Variants in RNF152 observed in about 807,000 individuals in gnomAD.
RNF152 encodes E3 ubiquitin-protein ligase RNF152.
In RNF152, 11 loss-of-function variants were observed where a neutral mutation model predicts 12.7. The ratio of observed to expected loss-of-function variants is 0.86; its 90% confidence interval spans 0.54 to 1.43. The LOEUF (loss-of-function observed/expected upper bound fraction) is 1.43, where lower values mean the gene tolerates loss of function less well. Among genes scored for constraint, RNF152 ranks in the 40% most tolerant of loss-of-function variants. The pLI is 0.00. For synonymous variants in RNF152, 113 were observed against 120.3 expected, an observed-to-expected ratio of 0.94 and a Z score of 0.40; for missense variants, 255 against 274.8, an observed-to-expected ratio of 0.93 and a Z score of 0.51.
At chr18:61,865,422 CT>C (rs1911682394) in intron 1 of RNF152, among the ~76,000 whole-genome samples, 2 of 152,138 alleles carry the variant, frequency 1.3e-5, no homozygotes, top group South Asian at 4.1e-4. Context: ...AAGGAGATTG[CT>C]TCCAGGATAA....
intron 1 of RNF152, among the ~76,000 whole-genome samples, chr18:61,890,863 G>C (rs1254886728): frequency 6.6e-6 from 1 of 152,184 alleles, no homozygotes; most frequent in East Asian, 1.9e-4. Context: ...AGACTACAAT[G>C]AAAATGCCAC....
At chr18:61,830,965 G>A (rs1385294727) in intron 1 of RNF152, among the ~76,000 whole-genome samples, 1 of 152,114 alleles carries the variant, frequency 6.6e-6, no homozygotes, top group Non-Finnish European at 1.5e-5. Context: ...TGGGAAACTA[G>A]CTTTACCCTG....
intron 1 of RNF152, among the ~76,000 whole-genome samples, chr18:61,823,944 A>G (rs1909538570): frequency 6.6e-6 from 1 of 152,260 alleles, no homozygotes. Flanking sequence ...TTCTGTCGCT[A>G]CAAAACTCAA....
chr18:61,871,843 A>C (rs1230717523), intron 1 of RNF152, among the ~76,000 whole-genome samples: 1 of 152,224 alleles, frequency 6.6e-6, no homozygotes, highest in Non-Finnish European at 1.5e-5. Context: ...CTTGAGAGGT[A>C]GTAAGCCTCT....
chr18:61,859,644 C>T (rs546746827), intron 1 of RNF152, among the ~76,000 whole-genome samples: 4 of 152,088 alleles, frequency 2.6e-5, no homozygotes, highest in Admixed American at 1.3e-4. Context: ...TTTGGGAGGC[C>T]GAGGCGGGCA....
intron 1 of RNF152, among the ~76,000 whole-genome samples, chr18:61,865,269 G>A (rs1164440269): frequency 6.6e-6 from 1 of 152,096 alleles, no homozygotes; most frequent in Admixed American, 6.5e-5. Flanking sequence ...GCCACATTTT[G>A]TCAGCTTGAA....
At chr18:61,870,261 C>T (rs966313521) in intron 1 of RNF152, among the ~76,000 whole-genome samples, 4 of 152,110 alleles carry the variant, frequency 2.6e-5, no homozygotes, top group African/African-American at 9.7e-5. Context: ...TGTGACGTGG[C>T]CTCCGCACTC....
At chr18:61,886,981 G>C (rs554365479) in intron 1 of RNF152, among the ~76,000 whole-genome samples, 33 of 152,304 alleles carry the variant, frequency 2.2e-4, no homozygotes, top group African/African-American at 6.0e-4. Flanking sequence ...CTGAGGCTTC[G>C]ATGATAGGAT....
intron 1 of RNF152, among the ~76,000 whole-genome samples, chr18:61,850,394 G>A (rs915473265): frequency 3.3e-5 from 5 of 152,174 alleles, no homozygotes; most frequent in African/African-American, 1.2e-4. Context: ...GTTTTTAAGT[G>A]AAATAGGTGA....
At chr18:61,848,112 T>A (rs1364156484) in intron 1 of RNF152, among the ~76,000 whole-genome samples, 1 of 152,124 alleles carries the variant, frequency 6.6e-6, no homozygotes, top group Admixed American at 6.5e-5. Context: ...ATTCCCAGCA[T>A]CTAGAACTGT....
At position 61,814,116 on chromosome 18, in the gene RNF152, T is replaced by A. The variant is rs1908950663; in HGVS notation, c.*1736A>T. 1.3e-5 allele frequency: 2 copies of A among 152,236 alleles called. No homozygotes were observed. Among genetic ancestry groups the A allele is most frequent in the South Asian group, 4.1e-4 (2 of 4,828 alleles). 9.4% of individuals were successfully genotyped at this position (152,236 alleles called of 1,614,324 possible). On this transcript the variant is annotated 3_prime_UTR_variant, in exon 2 of 2. Transcript: ENST00000312828. Reference sequence around the variant, plus strand: ...ATTTTATGTTGAATTCTCATGCCAATTAGCAGTATTAGCTTTGTATTCTAG... The same window carrying A: ...ATTTTATGTTGAATTCTCATGCCAAATAGCAGTATTAGCTTTGTATTCTAG...
chr18:61,853,067 G>C (rs1911057757), intron 1 of RNF152, among the ~76,000 whole-genome samples: 1 of 152,164 alleles, frequency 6.6e-6, no homozygotes. Context: ...AAATATGTAA[G>C]ATACAATGTC....
intron 1 of RNF152, among the ~76,000 whole-genome samples, chr18:61,883,039 G>C (rs1325169686): frequency 6.6e-6 from 1 of 152,118 alleles, no homozygotes; most frequent in Non-Finnish European, 1.5e-5. Flanking sequence ...TCAGATACCA[G>C]CACAGGAAAC....
chr18:61,828,168 A>C (rs1227378197), intron 1 of RNF152, among the ~76,000 whole-genome samples: 1 of 152,220 alleles, frequency 6.6e-6, no homozygotes, highest in Non-Finnish European at 1.5e-5. Context: ...CATGCAGTTC[A>C]TACATCTGCC....
rs1425515347 is a variant in RNF152 at position 61,813,311 on chromosome 18, C to CAT, written c.*2540_*2541insAT. On this transcript the variant is annotated 3_prime_UTR_variant, in exon 2 of 2. Coordinates refer to ENST00000312828, the MANE Select transcript of RNF152 (RefSeq NM_173557.3). ...ACACACACACACACACACACACACACACACATACACAAGAATGCACACCCC... is the reference window on the plus strand; with the variant it reads ...ACACACACACACACACACACACACACATACACATACACAAGAATGCACACCCC... 18 of 149,894 alleles carry CAT rather than the reference C, an allele frequency of 1.2e-4. 1 individual carries two copies. Among genetic ancestry groups the CAT allele is most frequent in the Admixed American group, 1.2e-3 (18 of 15,018 alleles). The allele number at this position is 149,894 out of a possible 1,614,324, so 9.3% of individuals were successfully genotyped here.
chr18:61,824,421 A>G (rs1182310998), intron 1 of RNF152, among the ~76,000 whole-genome samples: 2 of 152,204 alleles, frequency 1.3e-5, no homozygotes, highest in Non-Finnish European at 2.9e-5. Flanking sequence ...CACTTATTCT[A>G]TGCTTCTCAT....
chr18:61,829,372 C>A (rs1041530161), intron 1 of RNF152, among the ~76,000 whole-genome samples: 1 of 152,092 alleles, frequency 6.6e-6, no homozygotes, highest in Non-Finnish European at 1.5e-5. Context: ...CCAGCCCCAG[C>A]GCTCTAAAGC....
intron 1 of RNF152, among the ~76,000 whole-genome samples, chr18:61,834,215 A>T (rs1027029194): frequency 2.0e-5 from 3 of 152,198 alleles, no homozygotes; most frequent in African/African-American, 7.2e-5. Context: ...CTCTTATCTC[A>T]TCTCTTGGGA....
At chr18:61,834,997 G>T (rs1740393356) in intron 1 of RNF152, among the ~76,000 whole-genome samples, 1 of 152,176 alleles carries the variant, frequency 6.6e-6, no homozygotes, top group African/African-American at 2.4e-5. Context: ...ATTGAGGGTT[G>T]AGAGTCACTG....
Sources: allele counts gnomAD v4.1 joint callset (sites outside exome capture counted in the v4.1 genomes callset), GRCh38; gene constraint gnomAD v4.1.1; transcripts MANE v1.5; gene names NCBI Gene and HGNC (gene_info 2026-07-23, HGNC 2026-07-21).